The following LPIN1 variants were observed in gnomAD, a reference collection of about 807,000 sequenced individuals.
LPIN1 encodes lipin 1.
LPIN1 carries 71 observed loss-of-function variants against 107.5 expected under a neutral mutation model. That is an observed-to-expected ratio of 0.66 (90% CI 0.55 to 0.80). The LOEUF is 0.80. LPIN1 is among the 30% of genes least tolerant of loss of function. The pLI is 0.00. For missense variants in LPIN1, 1,043 were observed against 1,160.6 expected, an observed-to-expected ratio of 0.90 and a Z score of 1.47; for synonymous variants, 445 against 452.6, an observed-to-expected ratio of 0.98 and a Z score of 0.21.
At chr2:11,677,933 T>C (rs1272845576) in intron 1 of LPIN1, among the ~76,000 whole-genome samples, 1 of 152,256 alleles carries the variant, frequency 6.6e-6, no homozygotes, top group Non-Finnish European at 1.5e-5. Context: ...GCTGCATTTA[T>C]AGAGGAGGCT....
chr2:11,797,803 GA>G (rs1284962529), intron 14 of LPIN1, among the ~76,000 whole-genome samples: 1 of 152,196 alleles, frequency 6.6e-6, no homozygotes, highest in East Asian at 1.9e-4. Context: ...AATGAGTTAA[GA>G]CTTTGGGGGA....
chr2:11,796,135 GT>G (rs1196218394), intron 14 of LPIN1, among the ~76,000 whole-genome samples: 2 of 152,162 alleles, frequency 1.3e-5, no homozygotes, highest in African/African-American at 2.4e-5. Flanking sequence ...CTTACTTCAT[GT>G]TTACAGTATT....
At chr2:11,726,184 C>G (rs957528501) in intron 1 of LPIN1, among the ~76,000 whole-genome samples, 1 of 152,144 alleles carries the variant, frequency 6.6e-6, no homozygotes, top group African/African-American at 2.4e-5. Context: ...ATGAAATGTC[C>G]GCCATAGCCA....
In LPIN1 at chr2:11,786,116, C is replaced by T. The variant is rs1674530751; in HGVS notation, c.1550-958C>T. 6.6e-6 allele frequency among the ~76,000 whole-genome samples: 1 copy of T among 152,092 alleles called. No homozygotes were observed. Among genetic ancestry groups the T allele is most frequent in the Non-Finnish European group, 1.5e-5 (1 of 68,018 alleles). Reference sequence around the variant, plus strand: ...GGGCACCGTTATCTGAGTGTTATCTCATGGGGCCAGGATCTGCAGCTGTCC... The same window carrying T: ...GGGCACCGTTATCTGAGTGTTATCTTATGGGGCCAGGATCTGCAGCTGTCC... On this transcript the variant is annotated intron_variant, in intron 10 of 20. Transcript: ENST00000674199. This position sits in a 1 kb window ranked among gnomAD's most constrained non-coding sequence, Gnocchi z 4.1.
chr2:11,764,454 T>G (rs931826916), intron 1 of LPIN1, among the ~76,000 whole-genome samples: 3 of 152,234 alleles, frequency 2.0e-5, no homozygotes, highest in Non-Finnish European at 4.4e-5. Context: ...GCTAGTTCCT[T>G]GTATATTACC....
intron 1 of LPIN1, among the ~76,000 whole-genome samples, chr2:11,734,498 T>C (rs927638333): frequency 1.3e-5 from 2 of 152,244 alleles, no homozygotes; most frequent in African/African-American, 2.4e-5. Flanking sequence ...TCAGTTCATC[T>C]TGAATTCACC....
chr2:11,776,038 C>T, intron 5 of LPIN1, 48 bp from the exon 6 acceptor site: 4 of 958,478 alleles, frequency 4.2e-6, no homozygotes, highest in Non-Finnish European at 6.4e-6. Context: ...ATGTAATTGA[C>T]CTCTGATTTT....
At chr2:11,807,222 C>T (rs1397979303) in intron 17 of LPIN1, among the ~76,000 whole-genome samples, 1 of 152,166 alleles carries the variant, frequency 6.6e-6, no homozygotes, top group Non-Finnish European at 1.5e-5. Flanking sequence ...TCAATATTGC[C>T]GAATTGCCCT....
chr2:11,759,501 A>G (rs1312672506), intron 1 of LPIN1, among the ~76,000 whole-genome samples: 1 of 152,208 alleles, frequency 6.6e-6, no homozygotes, highest in Non-Finnish European at 1.5e-5. Flanking sequence ...GGTTGGGGGT[A>G]AGGTCATAGA....
At position 11,803,691 on chromosome 2, in the gene LPIN1, A is replaced by C. The variant is rs1020857893; in HGVS notation, c.2013+658A>C. On this transcript the variant is annotated intron_variant, in intron 15 of 20. Transcript: ENST00000674199. This position sits in a 1 kb window ranked among gnomAD's most constrained non-coding sequence, Gnocchi z 4.2. ...AGAGGCCCAGACACCCACTCAGGCCATGTGTGGGACCCTGCAGCCTGGGGG... is the reference window on the plus strand; with the variant it reads ...AGAGGCCCAGACACCCACTCAGGCCCTGTGTGGGACCCTGCAGCCTGGGGG... 1.4e-4 allele frequency among the ~76,000 whole-genome samples: 21 copies of C among 152,038 alleles called. No homozygotes were observed. Among genetic ancestry groups the C allele is most frequent in the African/African-American group, 4.8e-4 (20 of 41,404 alleles).
At chr2:11,680,693 T>C (rs1661666888) in intron 1 of LPIN1, among the ~76,000 whole-genome samples, 1 of 152,106 alleles carries the variant, frequency 6.6e-6, no homozygotes, top group Non-Finnish European at 1.5e-5. Context: ...ATGAGTACAG[T>C]GTGTTCCCCT....
chr2:11,765,076 T>C lies in LPIN1; in HGVS notation c.-9-457T>C, dbSNP rs1670574924. The stretch of plus-strand genomic sequence containing the variant: ...CCTGATGGGCCGTGATGGGCTGTGA[T>C]GGACCCTGGTGGGCTCTGATGGTCC... On this transcript the variant is annotated intron_variant, in intron 1 of 20. Transcript: ENST00000674199. The surrounding 1 kb of genome is among the most constrained non-coding windows in gnomAD (Gnocchi z 4.4). Among the ~76,000 whole-genome samples the C allele has an allele frequency of 1.3e-5, 2 of 151,780 alleles. No individual in the cohort carries two copies. The highest frequency in any genetic ancestry group is 4.2e-4 in the South Asian group (2 of 4,802).
chr2:11,748,663 AC>A (rs1667330732), intron 1 of LPIN1, among the ~76,000 whole-genome samples: 2 of 151,598 alleles, frequency 1.3e-5, no homozygotes, highest in Non-Finnish European at 2.9e-5. Flanking sequence ...CCTGTGGGAC[AC>A]CCCCTCCCCC....
rs559314151 is a variant in LPIN1, at chr2:11,732,810, T to C, written c.-72+8271T>C. 7.9e-5 allele frequency among the ~76,000 whole-genome samples: 12 copies of C among 152,286 alleles called. No homozygotes were observed. The South Asian group carries it at 2.3e-3, about 29-fold the overall frequency. ...AAAAGAACAAAAGAGCTGGTCATTGTTCTTGTGTAGAACTTGAATTTCCTG... is the reference window on the plus strand; with the variant it reads ...AAAAGAACAAAAGAGCTGGTCATTGCTCTTGTGTAGAACTTGAATTTCCTG... On this transcript the variant is annotated intron_variant, in intron 1 of 21. Transcript: ENST00000396097.
upstream of LPIN1, among the ~76,000 whole-genome samples, chr2:11,723,153 G>A (rs1664275712): frequency 6.6e-6 from 1 of 152,200 alleles, no homozygotes. Flanking sequence ...CTGGGGAGAG[G>A]CAAGGCAGGT....
rs775192884 is a variant in LPIN1 at position 11,782,285 on chromosome 2, A to T, written c.1042A>T (p.Ser348Cys). ...TAAAAGTCACTTTCAGGCCATTCAC[A>T]GCGAATCTTCAGACACTTTTAGTGA... ...CDKSHFQAIH[S>C]ESSDTFSDQS... is the part of the protein sequence containing the mutation. Residue 348 changes from serine to cysteine, a missense_variant, in exon 8 of 21, where the codon AGC becomes TGC. Physicochemically the swap from Ser to Cys is moderately radical, Grantham distance 112 (BLOSUM62 -1). Transcript: ENST00000674199. The T allele has an allele frequency of 6.2e-7, 1 of 1,614,210 alleles. No individual in the cohort carries two copies. The highest frequency in any genetic ancestry group is 8.5e-7 in the Non-Finnish European group (1 of 1,180,024).
At chr2:11,796,002 CT>C (rs1217896955) in intron 14 of LPIN1, among the ~76,000 whole-genome samples, 2 of 152,186 alleles carry the variant, frequency 1.3e-5, no homozygotes, top group East Asian at 3.9e-4. Flanking sequence ...GGTGTTTTGT[CT>C]TCAGGTTAAT....
At chr2:11,724,578 A>G in intron 1 of LPIN1, 3 of 985,578 alleles carry the variant, frequency 3.0e-6, no homozygotes, top group Non-Finnish European at 3.6e-6. Flanking sequence ...AGTTAATGGA[A>G]GCTGAGCCAG....
chr2:11,747,939 C>T (rs992222168), intron 1 of LPIN1, among the ~76,000 whole-genome samples: 14 of 152,162 alleles, frequency 9.2e-5, no homozygotes, highest in African/African-American at 3.1e-4. Flanking sequence ...GGACTCGGGT[C>T]GGGAGGTCTG....
Sources: allele counts gnomAD v4.1 joint callset (sites outside exome capture counted in the v4.1 genomes callset), GRCh38; gene constraint gnomAD v4.1.1; non-coding constraint Gnocchi (gnomAD v3.1); transcripts MANE v1.5; gene names NCBI Gene and HGNC (gene_info 2026-07-23, HGNC 2026-07-21).